ITFG1: variants seen among roughly 807,000 people sequenced by gnomAD.
The protein encoded by ITFG1 is T-cell immunomodulatory protein.
ITFG1 carries 34 observed loss-of-function variants against 81.8 expected under a neutral mutation model. That is an observed-to-expected ratio of 0.42 (90% CI 0.32 to 0.55). The LOEUF (loss-of-function observed/expected upper bound fraction) is 0.55. Ranked by LOEUF, ITFG1 falls within the 20% of genes least tolerant of loss-of-function variation. The pLI, the probability that ITFG1 is intolerant of heterozygous loss-of-function variation, is 0.17. For missense variants in ITFG1, 672 were observed against 755.4 expected (o/e 0.89, Z 1.29); for synonymous variants, 285 against 270.6 (o/e 1.05, Z -0.52).
chr16:47,452,667 C>A, intron 4 of ITFG1, 66 bp downstream of exon 4: 1 of 1,040,310 alleles, frequency 9.6e-7, no homozygotes, highest in Non-Finnish European at 1.5e-6. Flanking sequence ...AAGTAGTTTC[C>A]TATGTGAAGA....
At chr16:47,263,250 C>T in intron 10 of ITFG1, 3 of 359,478 alleles carry the variant, frequency 8.3e-6, no homozygotes, top group South Asian at 2.7e-5. Flanking sequence ...TCAGGGGCCA[C>T]CTTCTCTGTA....
At chr16:47,354,667 T>A (rs969421742) in intron 8 of ITFG1, among the ~76,000 whole-genome samples, 1 of 152,008 alleles carries the variant, frequency 6.6e-6, no homozygotes, top group Non-Finnish European at 1.5e-5. Flanking sequence ...AGTGTTAATA[T>A]AAGAATTAAT....
intron 14 of ITFG1, among the ~76,000 whole-genome samples, chr16:47,211,816 A>AT (rs1335355414): frequency 6.6e-6 from 1 of 152,110 alleles, no homozygotes; most frequent in African/African-American, 2.4e-5. Flanking sequence ...ACACTAATAG[A>AT]TTTTTTAATC....
intron 5 of ITFG1, among the ~76,000 whole-genome samples, chr16:47,434,357 G>GA (rs753598239): frequency 1.5e-3 from 200 of 130,856 alleles, no homozygotes; most frequent in East Asian, 0.012. Flanking sequence ...AAATTTACAA[G>GA]AAAAAAAAAA....
chr16:47,191,834 CAG>C (rs1407323732), intron 14 of ITFG1, among the ~76,000 whole-genome samples: 3 of 152,162 alleles, frequency 2.0e-5, no homozygotes, highest in Non-Finnish European at 4.4e-5. Flanking sequence ...TTATTTAACA[CAG>C]GGTCTTGGTC....
At chr16:47,440,052 C>T (rs930213414) in intron 5 of ITFG1, among the ~76,000 whole-genome samples, 1 of 149,946 alleles carries the variant, frequency 6.7e-6, no homozygotes, top group Non-Finnish European at 1.5e-5. Context: ...TCTGATAAAA[C>T]AGACTTTAAA....
rs200380757 is a variant in ITFG1 at position 47,206,175 on chromosome 16, A to C, written c.1453+12693T>G. 1.2e-4 allele frequency among the ~76,000 whole-genome samples: 18 copies of C among 152,246 alleles called. 1 individual carries two copies. In the East Asian group the frequency reaches 2.1e-3, roughly 18 times the overall value. ...TCCACCACGCCTGGCCAGGCATTAA[A>C]TATTTGATAATAATAGTTAATATTT... On this transcript the variant is annotated intron_variant, in intron 14 of 17. Coordinates refer to ENST00000320640, the MANE Select transcript of ITFG1 (RefSeq NM_030790.5).
At chr16:47,181,005 G>C (rs1356402856) in intron 14 of ITFG1, among the ~76,000 whole-genome samples, 1 of 149,584 alleles carries the variant, frequency 6.7e-6, no homozygotes, top group East Asian at 2.0e-4. Flanking sequence ...GCCCAGTCTG[G>C]AAAGTGAGGA....
chr16:47,334,470 A>C (rs558480545), intron 8 of ITFG1, among the ~76,000 whole-genome samples: 1 of 152,338 alleles, frequency 6.6e-6, no homozygotes, highest in Middle Eastern at 3.4e-3. Context: ...TATATTAAAC[A>C]AACACTTAAA....
At chr16:47,317,497 C>G (rs1967378791) in intron 8 of ITFG1, 2 of 152,178 alleles carry the variant, frequency 1.3e-5, no homozygotes, top group Non-Finnish European at 2.9e-5. Flanking sequence ...ACTCATTGTT[C>G]TGGCCCCAGA....
intron 5 of ITFG1, among the ~76,000 whole-genome samples, chr16:47,431,658 C>CT (rs1164625535): frequency 6.6e-6 from 1 of 152,126 alleles, no homozygotes; most frequent in Non-Finnish European, 1.5e-5. Context: ...AAATTGTACA[C>CT]TTTATCAATT....
chr16:47,169,130 T>C (rs1255747906), intron 14 of ITFG1, among the ~76,000 whole-genome samples: 1 of 152,228 alleles, frequency 6.6e-6, no homozygotes, highest in Non-Finnish European at 1.5e-5. Flanking sequence ...ACTGTAGCTT[T>C]GTAGTAACTT....
At chr16:47,371,913 CTT>C (rs367779096) in intron 7 of ITFG1, among the ~76,000 whole-genome samples, 16 of 143,176 alleles carry the variant, frequency 1.1e-4, no homozygotes, top group East Asian at 2.0e-4. Context: ...GCCACTCTCT[CTT>C]TTTTTTTTTT....
chr16:47,440,961 G>C (rs1434029469), intron 5 of ITFG1, among the ~76,000 whole-genome samples: 2 of 152,126 alleles, frequency 1.3e-5, no homozygotes, highest in Non-Finnish European at 2.9e-5. Context: ...AAGAAGAAAA[G>C]AGAGAAGAAT....
intron 14 of ITFG1, among the ~76,000 whole-genome samples, chr16:47,176,881 C>T (rs1354524032): frequency 6.6e-6 from 1 of 151,838 alleles, no homozygotes. Flanking sequence ...TTAAAAAATA[C>T]ACTATCACTT....
In ITFG1 at chr16:47,186,562, C is replaced by G. The variant is rs535946065; in HGVS notation, c.1454-23898G>C. Among the ~76,000 whole-genome samples the G allele has an allele frequency of 2.7e-3, 410 of 152,236 alleles. 2 individuals are homozygous for G. Among genetic ancestry groups the G allele is most frequent in the Admixed American group, 5.2e-3 (79 of 15,290 alleles). On this transcript the variant is annotated intron_variant, in intron 14 of 17. Transcript: ENST00000320640. ...AAGGCCTTTGACAAAATTCAACAGCCCTTCATGCTAAAAACTCTCAACAAA... is the reference window on the plus strand; with the variant it reads ...AAGGCCTTTGACAAAATTCAACAGCGCTTCATGCTAAAAACTCTCAACAAA...
intron 14 of ITFG1, among the ~76,000 whole-genome samples, chr16:47,209,437 G>C (rs1965539514): frequency 2.0e-5 from 3 of 152,116 alleles, no homozygotes; most frequent in Admixed American, 2.0e-4. Context: ...AATAGTTACA[G>C]ATACTATTTT....
intron 7 of ITFG1, 29 bp from the exon 8 acceptor site, chr16:47,365,898 A>C (rs1267480992): frequency 8.6e-7 from 1 of 1,164,754 alleles, no homozygotes; most frequent in Non-Finnish European, 1.3e-6. Flanking sequence ...TTTGAATTAG[A>C]CCATCTTAAT....
At chr16:47,257,728 C>T (rs1019881794) in intron 12 of ITFG1, among the ~76,000 whole-genome samples, 1 of 152,040 alleles carries the variant, frequency 6.6e-6, no homozygotes, top group Admixed American at 6.5e-5. Flanking sequence ...TGAATCCATA[C>T]CTGTTTTCTC....
Sources: gnomAD v4.1 joint callset for allele counts (sites outside exome capture counted in the v4.1 genomes callset) on GRCh38, gnomAD v4.1.1 for gene constraint, MANE v1.5 for transcripts, NCBI Gene and HGNC (gene_info 2026-07-23, HGNC 2026-07-21) for gene names.